Variants in SNX13 observed in about 807,000 individuals in gnomAD.
The protein encoded by SNX13 is sorting nexin-13.
In SNX13, 45 loss-of-function variants were observed where a neutral mutation model predicts 133.6. The observed-to-expected ratio is 0.34, with a 90% CI of 0.27 to 0.43. The LOEUF (loss-of-function observed/expected upper bound fraction) is 0.43. Ranked by LOEUF, SNX13 falls within the 20% of genes least tolerant of loss-of-function variation. The pLI is 1.00. For missense variants in SNX13, 1,032 were observed against 1,145.1 expected, an observed-to-expected ratio of 0.90 and a Z score of 1.43; for synonymous variants, 414 against 373.9, an observed-to-expected ratio of 1.11 and a Z score of -1.24.
intron 9 of SNX13, among the ~76,000 whole-genome samples, chr7:17,860,191 G>A (rs950527853): frequency 3.3e-5 from 5 of 151,952 alleles, no homozygotes; most frequent in Non-Finnish European, 7.4e-5. Flanking sequence ...CCAAATGGTT[G>A]TAAGATAATT....
intron 16 of SNX13, among the ~76,000 whole-genome samples, chr7:17,827,941 C>G (rs1355046961): frequency 6.6e-6 from 1 of 151,744 alleles, no homozygotes; most frequent in Admixed American, 6.6e-5. Context: ...TAAGCCAGCA[C>G]AGGTAACATA....
intron 1 of SNX13, among the ~76,000 whole-genome samples, chr7:17,900,678 G>A (rs1797724296): frequency 6.6e-6 from 1 of 151,038 alleles, no homozygotes; most frequent in South Asian, 2.1e-4. Flanking sequence ...GGTGAATGCT[G>A]CCAGGCCTGG....
chr7:17,890,195 A>C, intron 5 of SNX13, 168 bp downstream of exon 5: 2 of 489,234 alleles, frequency 4.1e-6, no homozygotes, highest in Non-Finnish European at 6.6e-6. Flanking sequence ...GGGGTAATTT[A>C]AAGGTTTTAA....
Position 17,821,585 on chromosome 7 carries a change from A to G in SNX13, c.1769T>C (p.Leu590Pro). ...LYAITVHRRN[L>P]NSEEMWKTYR... ...GGTTTTCCACATCTCCTCACTGTTT[A>G]GGTTGCGCCGGTGTACAGTGATGGC... The change falls in exon 18 of 26, where the codon CTA becomes CCA. Residue 590 changes from leucine (L) to proline (P), a missense_variant. Leu to Pro is a moderately conservative substitution (Grantham distance 98). Transcript: ENST00000428135. 1 of 1,613,700 alleles carries G rather than the reference A, an allele frequency of 6.2e-7. No individual in the cohort carries two copies. The highest frequency in any genetic ancestry group is 8.5e-7 in the Non-Finnish European group (1 of 1,179,702).
chr7:17,867,862 C>T (rs1793590458), intron 9 of SNX13, among the ~76,000 whole-genome samples: 1 of 151,522 alleles, frequency 6.6e-6, no homozygotes, highest in Non-Finnish European at 1.5e-5. Context: ...GAAAAGGATA[C>T]ATTATAAAGA....
At chr7:17,854,545 C>T (rs1005851278) in intron 9 of SNX13, among the ~76,000 whole-genome samples, 6 of 152,130 alleles carry the variant, frequency 3.9e-5, no homozygotes, top group Admixed American at 3.9e-4. Flanking sequence ...ACAACATGTG[C>T]CCATGTCATG....
chr7:17,799,229 G>A (rs553914832), intron 22 of SNX13, 75 bp from the exon 23 acceptor site: 32 of 1,218,472 alleles, frequency 2.6e-5, no homozygotes, highest in Admixed American at 2.9e-5. Context: ...TTGCTTTTAC[G>A]AAATGATTGA....
At chr7:17,878,973 C>G (rs10234457) in intron 5 of SNX13, among the ~76,000 whole-genome samples, 3,215 of 152,230 alleles carry the variant, frequency 0.021, 127 homozygotes, top group African/African-American at 0.072. Context: ...ACAATTCCCA[C>G]TTACACATTA....
chr7:17,867,599 C>G (rs1353630144), intron 9 of SNX13, among the ~76,000 whole-genome samples: 1 of 150,794 alleles, frequency 6.6e-6, no homozygotes, highest in South Asian at 2.1e-4. Flanking sequence ...AGTGAGATCC[C>G]ATCTCAAAAA....
chr7:17,882,455 T>C (rs1795457581), intron 5 of SNX13: 1 of 152,236 alleles, frequency 6.6e-6, no homozygotes, highest in African/African-American at 2.4e-5. Context: ...TTAGTAAATG[T>C]ATTTTATGTT....
chr7:17,834,389 A>C (rs1328413183), intron 14 of SNX13, among the ~76,000 whole-genome samples: 1 of 151,818 alleles, frequency 6.6e-6, no homozygotes, highest in Non-Finnish European at 1.5e-5. Flanking sequence ...CTACTGCAAC[A>C]CAAGTCACAG....
intron 22 of SNX13, 33 bp downstream of exon 22, chr7:17,801,555 A>G: frequency 6.4e-7 from 1 of 1,552,936 alleles, no homozygotes; most frequent in Non-Finnish European, 8.8e-7. Flanking sequence ...GTATGACTTA[A>G]ACTAAATACT....
At chr7:17,805,015 C>T (rs976097832) in intron 20 of SNX13, among the ~76,000 whole-genome samples, 4 of 152,130 alleles carry the variant, frequency 2.6e-5, no homozygotes, top group African/African-American at 9.7e-5. Context: ...TACTCCCTGG[C>T]TTAAGCTCAG....
In SNX13 at chr7:17,821,515, A is replaced by G; in HGVS notation, c.1839T>C (p.Thr613=). The G allele has an allele frequency of 2.5e-6, 4 of 1,610,856 alleles. No individual in the cohort carries two copies. Among genetic ancestry groups the G allele is most frequent in the Non-Finnish European group, 3.4e-6 (4 of 1,178,648 alleles). ...SDFHDFHMRI[T]EQFESLSSIL... is the part of the protein sequence containing the mutation. Reference sequence around the variant, plus strand: ...GTTTTTAAAACTTCATTACCTGTTCAGTGATTCTCATGTGGAAGTCATGGA... The same window carrying G: ...GTTTTTAAAACTTCATTACCTGTTCGGTGATTCTCATGTGGAAGTCATGGA... Residue 613 remains threonine (T), a synonymous_variant, in exon 18 of 26, where the codon ACT becomes ACC. Transcript: ENST00000428135.
At chr7:17,799,709 G>A (rs1784416579) in intron 22 of SNX13, among the ~76,000 whole-genome samples, 1 of 151,622 alleles carries the variant, frequency 6.6e-6, no homozygotes, top group East Asian at 1.9e-4. Flanking sequence ...TAAATTACTA[G>A]AATTTTCTTT....
intron 7 of SNX13, among the ~76,000 whole-genome samples, chr7:17,874,593 A>C (rs1794493209): frequency 6.6e-6 from 1 of 152,228 alleles, no homozygotes. Flanking sequence ...AGAACAAAGA[A>C]ATAAATAAAA....
At chr7:17,885,690 T>A (rs992121021) in intron 5 of SNX13, among the ~76,000 whole-genome samples, 1 of 151,860 alleles carries the variant, frequency 6.6e-6, no homozygotes, top group Non-Finnish European at 1.5e-5. Context: ...TAGCCGGGAG[T>A]GGCAGCGTGC....
intron 5 of SNX13, chr7:17,889,096 T>A (rs1475356574): frequency 6.1e-6 from 1 of 163,048 alleles, no homozygotes; most frequent in Non-Finnish European, 1.3e-5. Context: ...TTTAGAAGAG[T>A]TATCTGAAAG....
intron 1 of SNX13, among the ~76,000 whole-genome samples, chr7:17,932,511 A>G (rs1369658470): frequency 2.6e-5 from 4 of 152,206 alleles, no homozygotes; most frequent in African/African-American, 9.7e-5. Flanking sequence ...ATTTTTCTTG[A>G]GGAAATATTC....
Sources: allele counts gnomAD v4.1 joint callset (sites outside exome capture counted in the v4.1 genomes callset), GRCh38; gene constraint gnomAD v4.1.1; transcripts MANE v1.5; gene names NCBI Gene and HGNC (gene_info 2026-07-23, HGNC 2026-07-21).